The following ZNF211 variants were observed in gnomAD, a reference collection of about 807,000 sequenced individuals.
ZNF211 encodes zinc finger protein 211.
ZNF211 carries 18 observed loss-of-function variants against 12.1 expected under a neutral mutation model. The ratio of observed to expected loss-of-function variants is 1.48; its 90% CI spans 1.03 to 2.20. The LOEUF (loss-of-function observed/expected upper bound fraction) is 2.20, where lower values mean the gene tolerates loss of function less well. ZNF211 is among the 30% of genes most tolerant of loss of function. ZNF211 has a pLI of 0.00. For missense variants in ZNF211, 677 were observed against 703.1 expected (o/e 0.96, Z 0.42); for synonymous variants, 249 against 246.0 (o/e 1.01, Z -0.11).
chr19:57,634,694 G>A lies in ZNF211; in HGVS notation c.195G>A (p.Glu65=), dbSNP rs139445983. 5.0e-6 allele frequency: 8 copies of A among 1,608,480 alleles called. No homozygotes were observed. Among genetic ancestry groups the A allele is most frequent in the Middle Eastern group, 1.7e-4 (1 of 6,030 alleles). The change falls in exon 3 of 4, where the codon GAG becomes GAA. Residue 65 remains glutamate (E), a synonymous_variant. Coordinates refer to ENST00000240731, the MANE Select transcript of ZNF211 (RefSeq NM_006385.5). The part of the protein sequence containing the change: ...FSWEEWDLLD[E]AQKHLYFDVM... The stretch of plus-strand genomic sequence containing the variant: ...GGGAGGAATGGGATCTCCTTGATGA[G>A]GCTCAGAAACACCTGTACTTCGATG...
intron 3 of ZNF211, among the ~76,000 whole-genome samples, chr19:57,640,483 C>T (rs966132352): frequency 6.6e-6 from 1 of 152,146 alleles, no homozygotes; most frequent in Non-Finnish European, 1.5e-5. Context: ...CTGGGCCATA[C>T]CTTAGCCTTG....
intron 3 of ZNF211, among the ~76,000 whole-genome samples, chr19:57,635,867 C>T (rs1437065609): frequency 6.6e-6 from 1 of 152,182 alleles, no homozygotes; most frequent in Non-Finnish European, 1.5e-5. Flanking sequence ...GACAAAGGTT[C>T]CAGTTTCTTC....
At chr19:57,633,481 G>T in intron 1 of ZNF211, 45 bp downstream of exon 1, 1 of 1,549,596 alleles carries the variant, frequency 6.5e-7, no homozygotes. Flanking sequence ...AGATTCTTAA[G>T]TCCCAAGTGA....
In ZNF211 at chr19:57,643,904, G is replaced by C. The variant is rs184061199; in HGVS notation, c.*1723G>C. 1.3e-5 allele frequency among the ~76,000 whole-genome samples: 2 copies of C among 151,924 alleles called. No homozygotes were observed. Among genetic ancestry groups the C allele is most frequent in the Non-Finnish European group, 2.9e-5 (2 of 67,992 alleles). On this transcript the variant is annotated 3_prime_UTR_variant, in exon 4 of 4. Coordinates refer to ENST00000240731, the MANE Select transcript of ZNF211 (RefSeq NM_006385.5). ...ATAATTATTTTGAGATTCTTCAATG[G>C]AGCTTATATGTGGTGGTCATTCTTT...
Position 57,634,660 on chromosome 19 carries a change from A to T in ZNF211, c.161A>T (p.Tyr54Phe). ...GTGACCTTTGAAGATGTGGCCGTGTACTTCTCCTGGGAGGAATGGGATCTC... is the reference window on the plus strand; with the variant it reads ...GTGACCTTTGAAGATGTGGCCGTGTTCTTCTCCTGGGAGGAATGGGATCTC... ...GSVTFEDVAV[Y>F]FSWEEWDLLD... Residue 54 changes from tyrosine (Y) to phenylalanine (F), a missense_variant, in exon 3 of 4, where the codon TAC becomes TTC. Coordinates refer to ENST00000240731, the MANE Select transcript of ZNF211 (RefSeq NM_006385.5). 2 of 1,602,600 alleles carry T rather than the reference A, an allele frequency of 1.2e-6. No individual in the cohort carries two copies. Among genetic ancestry groups the T allele is most frequent in the Non-Finnish European group, 1.7e-6 (2 of 1,173,744 alleles).
intron 3 of ZNF211, chr19:57,639,834 T>A (rs996874391): frequency 1.3e-5 from 18 of 1,392,600 alleles, no homozygotes; most frequent in Non-Finnish European, 1.7e-5. Flanking sequence ...CTTAACTTCT[T>A]TAACTTTCCT....
At chr19:57,639,866 G>A (rs1982652005) in intron 3 of ZNF211, 1 of 1,493,896 alleles carries the variant, frequency 6.7e-7, no homozygotes, top group South Asian at 1.3e-5. Flanking sequence ...GTGCCGTGTT[G>A]TTCTGGGCCA....
chr19:57,633,366 G>T lies in ZNF211; in HGVS notation c.20G>T (p.Gly7Val). ...ATAGCGATGCTCGGGTTCCCCCCGGGTCGCCCGCAGCTCCCGGTCCAGCTC... is the reference window on the plus strand; with the variant it reads ...ATAGCGATGCTCGGGTTCCCCCCGGTTCGCCCGCAGCTCCCGGTCCAGCTC... MLGFPP[G>V]RPQLPVQLRP... is the part of the protein sequence containing the mutation. Residue 7 changes from glycine (G) to valine (V), a missense_variant, in exon 1 of 4, where the codon GGT (glycine) becomes GTT (valine). By Grantham distance (109) the Gly-to-Val change is moderately radical. Coordinates refer to ENST00000240731, the MANE Select transcript of ZNF211 (RefSeq NM_006385.5). 1 of 1,598,568 alleles carries T rather than the reference G, an allele frequency of 6.3e-7. No individual in the cohort carries two copies.
chr19:57,636,906 G>A (rs1417008520), intron 3 of ZNF211, among the ~76,000 whole-genome samples: 1 of 152,114 alleles, frequency 6.6e-6, no homozygotes, highest in Non-Finnish European at 1.5e-5. Context: ...GTAGTTTCTA[G>A]TGTACAAGGC....
chr19:57,633,351 T>C lies in ZNF211; in HGVS notation c.5T>C (p.Leu2Pro). Residue 2 changes from leucine to proline, a missense_variant, in exon 1 of 4, where the codon CTC (leucine) becomes CCC (proline). Transcript: ENST00000240731. M[L>P]GFPPGRPQLP... ...GAGGCCGGCCTGGGGATAGCGATGCTCGGGTTCCCCCCGGGTCGCCCGCAG... is the reference window on the plus strand; with the variant it reads ...GAGGCCGGCCTGGGGATAGCGATGCCCGGGTTCCCCCCGGGTCGCCCGCAG... 6.3e-7 allele frequency: 1 copy of C among 1,590,488 alleles called. No homozygotes were observed. Among genetic ancestry groups the C allele is most frequent in the Non-Finnish European group, 8.5e-7 (1 of 1,171,834 alleles).
At position 57,633,249 on chromosome 19, in the gene ZNF211, A is replaced by G. The variant is rs773420264; in HGVS notation, c.-98A>G. ...CGTTCTGTCTGTCAGCCGCTTTGGT[A>G]CGCTGCATCGGGATCGAAGTGACGG... is the stretch of plus-strand genomic sequence containing the variant. On this transcript the variant is annotated 5_prime_UTR_variant, in exon 1 of 4. Transcript: ENST00000240731. The G allele has an allele frequency of 1.9e-4, 227 of 1,203,740 alleles. No individual in the cohort carries two copies. In the Middle Eastern group the frequency reaches 2.9e-3, roughly 15 times the overall value. 74.6% of individuals were successfully genotyped at this position (1,203,740 alleles called of 1,614,324 possible). A position where few individuals can be genotyped will look rare whatever the true frequency, so the allele number is the denominator to read the frequency against.
At position 57,641,790 on chromosome 19, in the gene ZNF211, A is replaced by G. The variant is rs1481034471; in HGVS notation, c.1343A>G (p.Lys448Arg). The G allele has an allele frequency of 1.2e-6, 2 of 1,612,374 alleles. 1 individual carries two copies. Among genetic ancestry groups the G allele is most frequent in the South Asian group, 2.2e-5 (2 of 90,972 alleles). Residue 448 changes from lysine to arginine, a missense_variant, in exon 4 of 4, where the codon AAG (lysine) becomes AGG (arginine). Lys to Arg is a conservative substitution (Grantham distance 26). Coordinates refer to ENST00000240731, the MANE Select transcript of ZNF211 (RefSeq NM_006385.5). ...YECSKCGKSF[K>R]QSSSFSSHRK... is the part of the protein sequence containing the mutation. ...TGCAGTAAATGTGGGAAGTCATTTAAGCAAAGCTCCAGCTTCAGTTCACAT... is the reference window on the plus strand; with the variant it reads ...TGCAGTAAATGTGGGAAGTCATTTAGGCAAAGCTCCAGCTTCAGTTCACAT...
chr19:57,633,759 G>A, intron 1 of ZNF211: 1 of 1,535,076 alleles, frequency 6.5e-7, no homozygotes, highest in Non-Finnish European at 8.7e-7. Flanking sequence ...GACACCATCT[G>A]AGTTAAATTT....
chr19:57,641,041 T>C lies in ZNF211; in HGVS notation c.594T>C (p.Phe198=), dbSNP rs1248479319. 6.2e-7 allele frequency: 1 copy of C among 1,614,210 alleles called. No individual in the cohort carries two copies. The highest frequency in any genetic ancestry group is 1.7e-5 in the Admixed American group (1 of 60,016). ...TAGTCCATGTGTCGGAGAAACCCTT[T>C]ACCTGCAGGGAGATCAGGAAAGACT... ...SCIVHVSEKP[F]TCREIRKDFL... The change falls in exon 4 of 4, where the codon TTT becomes TTC. Residue 198 remains phenylalanine (F), a synonymous_variant. Transcript: ENST00000240731.
rs568034480 is a variant in ZNF211, at chr19:57,634,274, A to G, written c.129+213A>G. 2.6e-5 allele frequency: 14 copies of G among 532,578 alleles called. No individual in the cohort carries two copies. In the East Asian group the frequency reaches 4.4e-4, roughly 17 times the overall value. The allele number at this position is 532,578 out of a possible 1,614,324, so 33.0% of individuals were successfully genotyped here. A position where few individuals can be genotyped will look rare whatever the true frequency, so the allele number is the denominator to read the frequency against. On this transcript the variant is annotated intron_variant, in intron 2 of 3. Transcript: ENST00000240731. ...CCAATGGAAAGATGGGTGAAAATTTATGATAGAAACAGGTAGGTACCAGCT... is the reference window on the plus strand; with the variant it reads ...CCAATGGAAAGATGGGTGAAAATTTGTGATAGAAACAGGTAGGTACCAGCT...
Position 57,641,304 on chromosome 19 carries a change from T to G in ZNF211, c.857T>G (p.Ile286Ser), listed in dbSNP as rs1982896530. The G allele has an allele frequency of 6.2e-7, 1 of 1,614,076 alleles. No individual in the cohort carries two copies. The change falls in exon 4 of 4, where the codon ATT (isoleucine) becomes AGT (serine). Residue 286 changes from isoleucine (I) to serine (S), a missense_variant. Ile to Ser is a moderately radical substitution (Grantham distance 142). Coordinates refer to ENST00000240731, the MANE Select transcript of ZNF211 (RefSeq NM_006385.5). ...GCATGTACGCGAAGATGTAACCTCA[T>G]TCAGCACCAGAAAGTCCACAGTGAA... ...GKACTRRCNL[I>S]QHQKVHSEER...
Position 57,641,371 on chromosome 19 carries a change from C to G in ZNF211, c.924C>G (p.Thr308=). ...YECNECGKFF[T]YYSSFIIHQR... ...GCAATGAATGTGGAAAATTCTTTAC[C>G]TACTACTCCAGTTTCATTATACATC... is the stretch of plus-strand genomic sequence containing the variant. Residue 308 remains threonine, a synonymous_variant, in exon 4 of 4, where the codon ACC becomes ACG. Transcript: ENST00000240731. 1.2e-6 allele frequency: 2 copies of G among 1,614,174 alleles called. No individual in the cohort carries two copies. Among genetic ancestry groups the G allele is most frequent in the Non-Finnish European group, 1.7e-6 (2 of 1,180,022 alleles).
At chr19:57,633,939 G>A (rs1568636587) in intron 1 of ZNF211, 84 bp from the exon 2 acceptor site, 1 of 1,608,408 alleles carries the variant, frequency 6.2e-7, no homozygotes, top group Admixed American at 1.7e-5. Flanking sequence ...CGTGGCTCTG[G>A]GCCGGGGCAA....
At chr19:57,638,307 T>G (rs941519924) in intron 3 of ZNF211, among the ~76,000 whole-genome samples, 5 of 152,136 alleles carry the variant, frequency 3.3e-5, no homozygotes, top group African/African-American at 1.2e-4. Context: ...ACTTTAGTCT[T>G]TATTATTTTT....
Sources: allele counts gnomAD v4.1 joint callset (sites outside exome capture counted in the v4.1 genomes callset), GRCh38; gene constraint gnomAD v4.1.1; transcripts MANE v1.5; gene names NCBI Gene and HGNC (gene_info 2026-07-23, HGNC 2026-07-21).